Variants in SLC25A48 observed in about 807,000 individuals in gnomAD.
SLC25A48 encodes CTC-321K16.1.
Under a neutral mutation model 32.2 loss-of-function variants are expected in SLC25A48, and 29 were observed. That is an observed-to-expected ratio of 0.90 (90% CI 0.67 to 1.23). SLC25A48 has a LOEUF of 1.23. Ranked by LOEUF, SLC25A48 falls within the 50% of genes most tolerant of loss-of-function variation. The pLI, the probability that SLC25A48 is intolerant of heterozygous loss-of-function variation, is 0.00. For synonymous variants in SLC25A48, 164 were observed against 172.3 expected (o/e 0.95, Z 0.38); for missense variants, 399 against 422.7 (o/e 0.94, Z 0.49).
At position 135,629,828 on chromosome 5, in the gene SLC25A48, G is replaced by C. The variant is rs1296448205; in HGVS notation, c.-709+452G>C. On this transcript the variant is annotated intron_variant, in intron 2 of 10. Transcript: ENST00000646290. This position sits in a 1 kb window ranked among gnomAD's most constrained non-coding sequence, Gnocchi z 4.8. Reference sequence around the variant, plus strand: ...GGCCTGCTCTGCACATGGGCTGAGTGGGCCCATTGGCCAGAGAAAACCCTA... The same window carrying C: ...GGCCTGCTCTGCACATGGGCTGAGTCGGCCCATTGGCCAGAGAAAACCCTA... Among the ~76,000 whole-genome samples, 8 of 152,202 alleles carry C rather than the reference G, an allele frequency of 5.3e-5. No individual in the cohort carries two copies. The highest frequency in any genetic ancestry group is 1.9e-4 in the African/African-American group (8 of 41,448).
At chr5:135,817,084 A>G (rs1757738198) in intron 4 of SLC25A48, among the ~76,000 whole-genome samples, 1 of 152,262 alleles carries the variant, frequency 6.6e-6, no homozygotes, top group African/African-American at 2.4e-5. Context: ...CTATCAAGGA[A>G]TATAGCAAAT....
At chr5:135,637,620 C>T (rs115317758) in intron 3 of SLC25A48, among the ~76,000 whole-genome samples, 33 of 152,250 alleles carry the variant, frequency 2.2e-4, no homozygotes, top group South Asian at 1.2e-3. Flanking sequence ...GTTTTTCCAT[C>T]GGGAGAGAAA....
At chr5:135,834,993 G>T (rs79647085) in intron 1 of SLC25A48, 100 bp downstream of exon 1, 19 of 1,388,650 alleles carry the variant, frequency 1.4e-5, no homozygotes, top group Non-Finnish European at 1.9e-5. Flanking sequence ...CTGCCATCCC[G>T]CTCCCCGTTG....
intron 3 of SLC25A48, among the ~76,000 whole-genome samples, chr5:135,718,170 G>T (rs1157014115): frequency 1.3e-5 from 2 of 152,054 alleles, no homozygotes; most frequent in Non-Finnish European, 2.9e-5. Context: ...ACCATGCCTG[G>T]CTAATTACAA....
At chr5:135,870,836 C>T (rs925419147) in intron 4 of SLC25A48, among the ~76,000 whole-genome samples, 1 of 151,788 alleles carries the variant, frequency 6.6e-6, no homozygotes, top group Non-Finnish European at 1.5e-5. Context: ...AAAATGCTGC[C>T]TTGCCAAGGT....
intron 4 of SLC25A48, among the ~76,000 whole-genome samples, chr5:135,854,572 C>T (rs13167913): frequency 2.0e-5 from 3 of 152,220 alleles, no homozygotes; most frequent in African/African-American, 7.2e-5. Flanking sequence ...CCTCACCTCT[C>T]TCCACCTTCA....
Position 135,742,403 on chromosome 5 carries a change from C to T in SLC25A48, c.-520-70120C>T, listed in dbSNP as rs117493260. 1,282 of 1,304,354 alleles carry T rather than the reference C, an allele frequency of 9.8e-4. 25 individuals are homozygous for T. In the East Asian group the frequency reaches 0.032, roughly 33 times the overall value. The allele number at this position is 1,304,354 out of a possible 1,614,324, so 80.8% of individuals were successfully genotyped here. ...GCCTAGGAATCCGTTATTTAATAGC[C>T]ATCACGACCCTCAGATAGAATGAAC... On this transcript the variant is annotated intron_variant, in intron 3 of 10. Transcript: ENST00000646290.
intron 1 of SLC25A48, among the ~76,000 whole-genome samples, chr5:135,841,710 T>G (rs4246800): frequency 0.48 from 71,978 of 148,562 alleles, 19,419 homozygotes; most frequent in East Asian, 0.68. Context: ...GATGTGTGGG[T>G]GGGGGGTATA....
intron 7 of SLC25A48, chr5:135,883,446 A>T (rs1762610697): frequency 1.0e-6 from 1 of 984,686 alleles, no homozygotes; most frequent in South Asian, 4.7e-5. Context: ...AGCATTAAAA[A>T]CCTCTTCACA....
chr5:135,830,089 G>A (rs778309849), upstream of SLC25A48, among the ~76,000 whole-genome samples: 18 of 152,172 alleles, frequency 1.2e-4, no homozygotes, highest in Admixed American at 3.9e-4. Context: ...AAGCTTCTCC[G>A]AGGTTTGCTC....
intron 3 of SLC25A48, among the ~76,000 whole-genome samples, chr5:135,686,857 G>T (rs1189380382): frequency 6.6e-6 from 1 of 152,194 alleles, no homozygotes; most frequent in African/African-American, 2.4e-5. Context: ...GATAGACAAG[G>T]TGTTTAGGTT....
chr5:135,703,466 G>A (rs1008180125), intron 3 of SLC25A48, among the ~76,000 whole-genome samples: 2 of 152,164 alleles, frequency 1.3e-5, no homozygotes, highest in South Asian at 2.1e-4. Flanking sequence ...AGCTGTTTCC[G>A]CACCTGGCCC....
At position 135,732,055 on chromosome 5, in the gene SLC25A48, A is replaced by C. The variant is rs144796934; in HGVS notation, c.-520-80468A>C. Among the ~76,000 whole-genome samples, 4 of 152,282 alleles carry C rather than the reference A, an allele frequency of 2.6e-5. No individual in the cohort carries two copies. The South Asian group carries it at 8.3e-4, about 31-fold the overall frequency. On this transcript the variant is annotated intron_variant, in intron 3 of 10. Transcript: ENST00000646290. Reference sequence around the variant, plus strand: ...AAAAGGAGTGTCCATACAGGAGCTCAAATGGGCTGTACCCTGTAGCATTCC... The same window carrying C: ...AAAAGGAGTGTCCATACAGGAGCTCCAATGGGCTGTACCCTGTAGCATTCC...
intron 3 of SLC25A48, among the ~76,000 whole-genome samples, chr5:135,782,122 A>G (rs2126622742): frequency 8.6e-6 from 1 of 116,628 alleles, no homozygotes; most frequent in African/African-American, 2.6e-5. Flanking sequence ...CAGGGGTTGA[A>G]CATCTCCCCT....
At chr5:135,831,557 T>A (rs1758210871), upstream of SLC25A48, among the ~76,000 whole-genome samples, 1 of 152,228 alleles carries the variant, frequency 6.6e-6, no homozygotes, top group Non-Finnish European at 1.5e-5. Context: ...AAGAAAGGCC[T>A]GTCAGGAGGT....
At chr5:135,770,325 T>A (rs1756374139) in intron 3 of SLC25A48, among the ~76,000 whole-genome samples, 1 of 151,386 alleles carries the variant, frequency 6.6e-6, no homozygotes, top group African/African-American at 2.4e-5. Context: ...GGGGAGAGGA[T>A]AATATTACTC....
intron 1 of SLC25A48, among the ~76,000 whole-genome samples, chr5:135,620,852 C>A (rs189747339): frequency 6.6e-6 from 1 of 152,136 alleles, no homozygotes; most frequent in Non-Finnish European, 1.5e-5. Context: ...GGGGCTCTCC[C>A]ATGGCTAGGA....
intron 3 of SLC25A48, among the ~76,000 whole-genome samples, chr5:135,754,077 C>T (rs191413466): frequency 4.3e-4 from 66 of 151,770 alleles, no homozygotes; most frequent in African/African-American, 1.5e-3. Flanking sequence ...AGGGTGTACA[C>T]CCACTGTGAC....
chr5:135,885,140 A>G (rs6596271), intron 7 of SLC25A48, among the ~76,000 whole-genome samples: 10,813 of 152,178 alleles, frequency 0.071, 489 homozygotes, highest in African/African-American at 0.12. Context: ...GTTGGGACAC[A>G]TAAGTATGGC....
Sources: gnomAD v4.1 joint callset for allele counts (sites outside exome capture counted in the v4.1 genomes callset) on GRCh38, gnomAD v4.1.1 for gene constraint, Gnocchi (gnomAD v3.1) non-coding constraint, MANE v1.5 for transcripts, NCBI Gene and HGNC (gene_info 2026-07-23, HGNC 2026-07-21) for gene names.